ATRNL1: variants seen among roughly 807,000 people sequenced by gnomAD.
ATRNL1 encodes the protein attractin like 1, also known as attractin-like protein 1.
Under a neutral mutation model 182.7 loss-of-function variants are expected in ATRNL1, and 95 were observed. The observed-to-expected ratio is 0.52, with a 90% CI of 0.44 to 0.62. The LOEUF (loss-of-function observed/expected upper bound fraction) is 0.62, where lower values mean the gene tolerates loss of function less well. Among genes scored for constraint, ATRNL1 ranks in the 20% least tolerant of loss-of-function variants. The pLI, the probability that ATRNL1 is intolerant of heterozygous loss-of-function variation, is 0.00. For missense variants in ATRNL1, 1,471 were observed against 1,679.5 expected, an observed-to-expected ratio of 0.88 and a Z score of 2.17; for synonymous variants, 576 against 568.3, an observed-to-expected ratio of 1.01 and a Z score of -0.19.
chr10:115,872,649 A>T (rs558213212), intron 28 of ATRNL1, among the ~76,000 whole-genome samples: 1 of 152,216 alleles, frequency 6.6e-6, no homozygotes, highest in African/African-American at 2.4e-5. Flanking sequence ...GCTAAAAGTC[A>T]TGTTTTCTGA....
chr10:115,925,176 A>G (rs1326540714), intron 28 of ATRNL1, among the ~76,000 whole-genome samples: 5 of 152,082 alleles, frequency 3.3e-5, no homozygotes, highest in African/African-American at 1.2e-4. Flanking sequence ...CTAAATATAA[A>G]ATCATGTCCT....
chr10:115,264,902 C>T (rs1411787514), intron 10 of ATRNL1, among the ~76,000 whole-genome samples: 8 of 151,522 alleles, frequency 5.3e-5, no homozygotes, highest in East Asian at 3.9e-4. Flanking sequence ...TATATGTCTT[C>T]GAAATTATCT....
At chr10:115,106,742 C>T (rs1214073260) in intron 1 of ATRNL1, among the ~76,000 whole-genome samples, 3 of 152,168 alleles carry the variant, frequency 2.0e-5, no homozygotes, top group East Asian at 1.9e-4. Context: ...TTTCACCTCC[C>T]ACCATGATTC....
intron 10 of ATRNL1, among the ~76,000 whole-genome samples, chr10:115,245,473 T>C (rs1036939734): frequency 1.6e-4 from 20 of 123,808 alleles, no homozygotes; most frequent in African/African-American, 6.1e-4. Context: ...CACTCCAGCC[T>C]GCGCAACAAG....
chr10:115,137,764 A>G (rs189104184), intron 5 of ATRNL1, among the ~76,000 whole-genome samples: 2 of 152,322 alleles, frequency 1.3e-5, no homozygotes, highest in East Asian at 3.9e-4. Flanking sequence ...GCCAAACCAT[A>G]TCATTCTGCC....
intron 27 of ATRNL1, among the ~76,000 whole-genome samples, chr10:115,822,173 A>G (rs1283265199): frequency 6.6e-6 from 1 of 152,230 alleles, no homozygotes; most frequent in African/African-American, 2.4e-5. Flanking sequence ...CTGCTCTGGA[A>G]TGACTACTGG....
chr10:115,859,945 A>C (rs1555103116), intron 28 of ATRNL1, among the ~76,000 whole-genome samples: 3 of 152,164 alleles, frequency 2.0e-5, no homozygotes, highest in Non-Finnish European at 4.4e-5. Context: ...AAAGAGAGTA[A>C]TTCATTTCCT....
intron 27 of ATRNL1, among the ~76,000 whole-genome samples, chr10:115,770,747 A>G (rs1948969144): frequency 6.6e-6 from 1 of 152,174 alleles, no homozygotes; most frequent in Non-Finnish European, 1.5e-5. Flanking sequence ...TTCTGGTAAC[A>G]TCAGTTGGTA....
intron 26 of ATRNL1, among the ~76,000 whole-genome samples, chr10:115,688,071 T>C (rs1165397410): frequency 2.0e-5 from 3 of 152,130 alleles, no homozygotes; most frequent in Non-Finnish European, 4.4e-5. Flanking sequence ...GCAGTATTTG[T>C]CTTTCTGTGC....
intron 26 of ATRNL1, among the ~76,000 whole-genome samples, chr10:115,630,376 A>T (rs755873657): frequency 6.6e-6 from 1 of 152,070 alleles, no homozygotes; most frequent in Non-Finnish European, 1.5e-5. Flanking sequence ...GTTGGTGATG[A>T]TGTGAAGAAA....
intron 27 of ATRNL1, among the ~76,000 whole-genome samples, chr10:115,765,430 C>T (rs1436586448): frequency 6.6e-6 from 1 of 152,176 alleles, no homozygotes; most frequent in Non-Finnish European, 1.5e-5. Context: ...AACATCATCT[C>T]ATATGCTTCT....
chr10:115,884,226 G>A (rs562443572), intron 28 of ATRNL1, among the ~76,000 whole-genome samples: 1 of 152,206 alleles, frequency 6.6e-6, no homozygotes, highest in South Asian at 2.1e-4. Flanking sequence ...GTAATCCATG[G>A]CTATGAAGCC....
chr10:115,330,295 A>G (rs1855142312), intron 18 of ATRNL1, among the ~76,000 whole-genome samples: 1 of 152,138 alleles, frequency 6.6e-6, no homozygotes. Context: ...CCTAATAAGG[A>G]TATAATTGTT....
chr10:115,446,394 T>C lies in ATRNL1; in HGVS notation c.3323-15547T>C, dbSNP rs555839608. Reference sequence around the variant, plus strand: ...TTTGTTCTTCCTTTTGTAATTTATTTAGCTCTCTTTTTATTGTAATCTTTG... The same window carrying C: ...TTTGTTCTTCCTTTTGTAATTTATTCAGCTCTCTTTTTATTGTAATCTTTG... On this transcript the variant is annotated intron_variant, in intron 21 of 28. Transcript: ENST00000355044. 6.7e-4 allele frequency among the ~76,000 whole-genome samples: 102 copies of C among 152,196 alleles called. 3 individuals carry two copies. The South Asian group carries it at 0.021, about 31-fold the overall frequency.
At chr10:115,708,280 A>G (rs1946960007) in intron 26 of ATRNL1, among the ~76,000 whole-genome samples, 1 of 151,612 alleles carries the variant, frequency 6.6e-6, no homozygotes, top group African/African-American at 2.4e-5. Flanking sequence ...AAATGAGAAT[A>G]AAAGTAACAC....
intron 7 of ATRNL1, among the ~76,000 whole-genome samples, 163 bp from the exon 8 acceptor site, chr10:115,170,874 C>T (rs1352953967): frequency 6.6e-6 from 1 of 151,778 alleles, no homozygotes; most frequent in Non-Finnish European, 1.5e-5. Flanking sequence ...CATTAGTTGT[C>T]ATTATTCATG....
At chr10:115,644,062 A>C (rs1364607155) in intron 26 of ATRNL1, among the ~76,000 whole-genome samples, 2 of 152,162 alleles carry the variant, frequency 1.3e-5, no homozygotes, top group African/African-American at 4.8e-5. Flanking sequence ...GGAACAATCT[A>C]ATATTCATCA....
intron 10 of ATRNL1, among the ~76,000 whole-genome samples, chr10:115,264,141 G>T (rs1851508803): frequency 6.6e-6 from 1 of 150,828 alleles, no homozygotes; most frequent in Non-Finnish European, 1.5e-5. Flanking sequence ...GTGCACGTTT[G>T]TTACGTATGT....
intron 28 of ATRNL1, among the ~76,000 whole-genome samples, chr10:115,856,449 A>AAAAAAAAAAC (rs1565439910): frequency 6.8e-6 from 1 of 147,860 alleles, no homozygotes; most frequent in South Asian, 2.2e-4. Context: ...AAAAAAAAAA[A>AAAAAAAAAAC]AGCCATACAT....
Sources: allele counts gnomAD v4.1 joint callset (sites outside exome capture counted in the v4.1 genomes callset), GRCh38; gene constraint gnomAD v4.1.1; transcripts MANE v1.5; gene names NCBI Gene and HGNC (gene_info 2026-07-23, HGNC 2026-07-21).